The following ROCK1 variants were observed in gnomAD, a reference collection of about 807,000 sequenced individuals.
ROCK1 encodes rho-associated protein kinase 1.
A neutral mutation model predicts 196.8 loss-of-function variants in ROCK1; 36 were observed. The ratio of observed to expected loss-of-function variants is 0.18; its 90% CI spans 0.14 to 0.24. The LOEUF is 0.24. ROCK1 is among the 10% of genes least tolerant of loss of function. ROCK1 has a pLI of 1.00. For missense variants in ROCK1, 920 were observed against 1,562.0 expected (o/e 0.59, Z 6.93); for synonymous variants, 443 against 515.9 (o/e 0.86, Z 1.91).
chr18:21,011,431 A>T (rs969104504), intron 13 of ROCK1, among the ~76,000 whole-genome samples: 1 of 152,154 alleles, frequency 6.6e-6, no homozygotes, highest in African/African-American at 2.4e-5. Flanking sequence ...TAAAGTATAA[A>T]CATCTTCCCT....
chr18:20,957,529 G>A (rs2035255436), intron 29 of ROCK1, among the ~76,000 whole-genome samples: 1 of 151,688 alleles, frequency 6.6e-6, no homozygotes, highest in Non-Finnish European at 1.5e-5. Context: ...CACCCGGGCT[G>A]CAGTGCAGTG....
intron 13 of ROCK1, among the ~76,000 whole-genome samples, chr18:21,011,584 T>C (rs1473686481): frequency 6.6e-6 from 1 of 152,140 alleles, no homozygotes; most frequent in Non-Finnish European, 1.5e-5. Context: ...GCCTCCCTAG[T>C]AGCTGGGACT....
chr18:21,092,595 A>AC (rs1312411875), intron 1 of ROCK1, among the ~76,000 whole-genome samples: 4 of 151,674 alleles, frequency 2.6e-5, no homozygotes, highest in African/African-American at 9.7e-5. Context: ...AAAAAAAAAA[A>AC]AAAAAAAAAC....
intron 32 of ROCK1, among the ~76,000 whole-genome samples, chr18:20,952,382 A>T (rs890552326): frequency 3.1e-5 from 3 of 97,364 alleles, no homozygotes; most frequent in South Asian, 3.8e-4. Flanking sequence ...ACTCTGTCTC[A>T]AAATGAATGA....
chr18:20,989,534 A>G (rs2035605467), intron 18 of ROCK1, among the ~76,000 whole-genome samples: 1 of 152,204 alleles, frequency 6.6e-6, no homozygotes, highest in Non-Finnish European at 1.5e-5. Context: ...ATCTGACACC[A>G]TTGAAGTTTG....
In ROCK1 at chr18:20,947,401, A is replaced by G. The variant is rs990507673; in HGVS notation, c.*3983T>C. On this transcript the variant is annotated 3_prime_UTR_variant, in exon 33 of 33. Transcript: ENST00000399799. Reference sequence around the variant, plus strand: ...TGCAATAAGCATAGATCTTGTCCAGAAAAAAAACACTAAAAGCATAAAAGA... The same window carrying G: ...TGCAATAAGCATAGATCTTGTCCAGGAAAAAAACACTAAAAGCATAAAAGA... 5 of 150,950 alleles carry G rather than the reference A, an allele frequency of 3.3e-5. No homozygotes were observed. Among genetic ancestry groups the G allele is most frequent in the Non-Finnish European group, 7.4e-5 (5 of 67,956 alleles). 9.4% of individuals were successfully genotyped at this position (150,950 alleles called of 1,614,324 possible).
rs1491367003 is a variant in ROCK1 at position 20,959,056 on chromosome 18, ATT to A, written c.3512+782_3512+783del. 4.2e-5 allele frequency among the ~76,000 whole-genome samples: 2 copies of A among 47,648 alleles called. 1 individual carries two copies. Among genetic ancestry groups the A allele is most frequent in the Admixed American group, 8.2e-4 (2 of 2,440 alleles). 31.3% of individuals were successfully genotyped at this position (47,648 alleles called of 152,430 possible). A position where few individuals can be genotyped will look rare whatever the true frequency, so the allele number is the denominator to read the frequency against. On this transcript the variant is annotated intron_variant, in intron 29 of 32. Transcript: ENST00000399799. Reference sequence around the variant, plus strand: ...ATTTTATATAATATATAATATATATATTATATTTTATATTATATAATATATAT... The same window carrying A: ...ATTTTATATAATATATAATATATATAATATTTTATATTATATAATATATAT...
chr18:20,958,870 A>ATTATATATATAAATATATATATTTAT (rs2035274385), intron 29 of ROCK1, among the ~76,000 whole-genome samples: 1 of 117,868 alleles, frequency 8.5e-6, no homozygotes, highest in Non-Finnish European at 1.6e-5. Context: ...AAATATATAT[A>ATTATATATATAAATATATATATTTAT]TTATATATAT....
intron 4 of ROCK1, among the ~76,000 whole-genome samples, chr18:21,046,710 G>A (rs907471801): frequency 8.6e-5 from 13 of 151,954 alleles, no homozygotes; most frequent in Non-Finnish European, 1.5e-4. Context: ...AATACAAGAA[G>A]TTTAGAATTA....
chr18:20,992,502 A>G (rs772374887), intron 17 of ROCK1, among the ~76,000 whole-genome samples: 4 of 152,188 alleles, frequency 2.6e-5, no homozygotes, highest in Non-Finnish European at 2.9e-5. Flanking sequence ...CCTTCTTCAT[A>G]AGCCCTCACA....
At chr18:21,015,237 T>C (rs1568383929) in intron 13 of ROCK1, among the ~76,000 whole-genome samples, 194 bp downstream of exon 13, 1 of 152,122 alleles carries the variant, frequency 6.6e-6, no homozygotes, top group Non-Finnish European at 1.5e-5. Context: ...AAAACAATTG[T>C]ACAAAGGAAA....
At chr18:21,097,074 G>C (rs2036618872) in intron 1 of ROCK1, among the ~76,000 whole-genome samples, 1 of 152,170 alleles carries the variant, frequency 6.6e-6, no homozygotes, top group African/African-American at 2.4e-5. Context: ...AGCAAAAGTA[G>C]GAAAGAGTAG....
intron 5 of ROCK1, among the ~76,000 whole-genome samples, chr18:21,044,591 T>C (rs2036139214): frequency 6.6e-6 from 1 of 152,162 alleles, no homozygotes; most frequent in Non-Finnish European, 1.5e-5. Context: ...GCACACAGGA[T>C]TCAAGCAGTG....
chr18:21,054,612 A>T (rs972557750), intron 2 of ROCK1, among the ~76,000 whole-genome samples: 14 of 152,132 alleles, frequency 9.2e-5, no homozygotes, highest in Non-Finnish European at 1.8e-4. Flanking sequence ...TTGTTGCTGT[A>T]ATCTACTGAC....
intron 13 of ROCK1, among the ~76,000 whole-genome samples, chr18:21,014,065 CAAAAAAAAA>C (rs56355855): frequency 2.9e-5 from 2 of 69,830 alleles, no homozygotes; most frequent in Non-Finnish European, 6.9e-5. Flanking sequence ...GACTCTGTCT[CAAAAAAAAA>C]AAAAAAAAAA....
intron 1 of ROCK1, among the ~76,000 whole-genome samples, chr18:21,098,037 C>T (rs143349908): frequency 1.3e-5 from 2 of 152,268 alleles, no homozygotes; most frequent in Non-Finnish European, 2.9e-5. Flanking sequence ...GTAAACTGTC[C>T]AAGGACCAAG....
intron 22 of ROCK1, among the ~76,000 whole-genome samples, chr18:20,975,094 C>T (rs183945527): frequency 7.9e-5 from 12 of 152,290 alleles, no homozygotes; most frequent in African/African-American, 2.9e-4. Context: ...TACCATAGAG[C>T]TTTGTTTCTA....
intron 13 of ROCK1, among the ~76,000 whole-genome samples, chr18:21,009,862 A>G (rs2035801719): frequency 6.6e-6 from 1 of 152,238 alleles, no homozygotes; most frequent in African/African-American, 2.4e-5. Flanking sequence ...AAGTTTAAAA[A>G]GTATGGATTC....
At chr18:21,098,927 A>C (rs751200250) in intron 1 of ROCK1, among the ~76,000 whole-genome samples, 6 of 152,226 alleles carry the variant, frequency 3.9e-5, no homozygotes, top group Non-Finnish European at 8.8e-5. Flanking sequence ...AAAAATTCAA[A>C]AGTCTTACAA....
Sources: gnomAD v4.1 joint callset for allele counts (sites outside exome capture counted in the v4.1 genomes callset) on GRCh38, gnomAD v4.1.1 for gene constraint, MANE v1.5 for transcripts, NCBI Gene and HGNC (gene_info 2026-07-23, HGNC 2026-07-21) for gene names.